The following AHI1 variants were observed in gnomAD, a reference collection of about 807,000 sequenced individuals.
AHI1 encodes the protein Abelson helper integration site 1.
A neutral mutation model predicts 149.3 loss-of-function variants in AHI1; 123 were observed. That is an observed-to-expected ratio of 0.82 (90% confidence interval 0.71 to 0.96). The LOEUF (loss-of-function observed/expected upper bound fraction) is 0.96. AHI1 is among the 40% of genes least tolerant of loss of function. The probability of loss-of-function intolerance (pLI) is 0.00; values close to 1 mark genes in which losing one functional copy is unlikely to be tolerated. For synonymous variants in AHI1, 475 were observed against 459.8 expected (o/e 1.03, Z -0.42); for missense variants, 1,439 against 1,422.7 (o/e 1.01, Z -0.18).
chr6:135,465,595 T>C (rs1229394701), intron 7 of AHI1, among the ~76,000 whole-genome samples: 6 of 152,178 alleles, frequency 3.9e-5, no homozygotes, highest in African/African-American at 1.4e-4. Flanking sequence ...ATATTACTTT[T>C]CCTTATAAGA....
chr6:135,436,335 A>C (rs1275890516), intron 15 of AHI1, among the ~76,000 whole-genome samples: 1 of 152,204 alleles, frequency 6.6e-6, no homozygotes, highest in Non-Finnish European at 1.5e-5. Flanking sequence ...AAAATATTTC[A>C]AGACTGGTCA....
chr6:135,333,724 C>T (rs1390378869), intron 24 of AHI1, among the ~76,000 whole-genome samples: 1 of 152,100 alleles, frequency 6.6e-6, no homozygotes, highest in African/African-American at 2.4e-5. Flanking sequence ...GAATACCAAA[C>T]TAGAAATCAA....
chr6:135,351,451 G>A (rs1306158397), intron 24 of AHI1, among the ~76,000 whole-genome samples: 1 of 152,132 alleles, frequency 6.6e-6, no homozygotes, highest in Non-Finnish European at 1.5e-5. Flanking sequence ...ATTTACAGAT[G>A]AGCAAACTGA....
At position 135,301,686 on chromosome 6, in the gene AHI1, G is replaced by T. The variant is rs922387055; in HGVS notation, c.3427-1128C>A. The T allele has an allele frequency of 6.0e-5, 59 of 985,448 alleles. No individual in the cohort carries two copies. The African/African-American group carries it at 9.9e-4, about 17-fold the overall frequency. 61.0% of individuals were successfully genotyped at this position (985,448 alleles called of 1,614,324 possible). A position where few individuals can be genotyped will look rare whatever the true frequency, so the allele number is the denominator to read the frequency against. On this transcript the variant is annotated intron_variant, in intron 26 of 28. Coordinates refer to ENST00000265602, the MANE Select transcript of AHI1 (RefSeq NM_001134831.2). ...TTAAAGAGCAAGGAGACTTTTTGGT[G>T]AAAGGTGAGTGTTGCAACAGGTGAC...
At chr6:135,456,544 C>CA (rs776119975) in intron 9 of AHI1, among the ~76,000 whole-genome samples, 8,670 of 84,600 alleles carry the variant, frequency 0.1, 641 homozygotes, top group African/African-American at 0.24. Context: ...GATATTGTCT[C>CA]AAAAAAAAAA....
intron 6 of AHI1, 46 bp from the exon 7 acceptor site, chr6:135,466,419 T>C (rs754590874): frequency 6.7e-7 from 1 of 1,484,358 alleles, no homozygotes; most frequent in South Asian, 1.2e-5. Flanking sequence ...ACACATAGAT[T>C]AGTTATATAA....
At chr6:135,377,729 C>T (rs570878279) in intron 23 of AHI1, among the ~76,000 whole-genome samples, 30 of 152,078 alleles carry the variant, frequency 2.0e-4, no homozygotes, top group African/African-American at 6.8e-4. Flanking sequence ...AATCTTCCTG[C>T]CCCAACCTCC....
chr6:135,362,425 A>G (rs1176019732), intron 23 of AHI1, among the ~76,000 whole-genome samples: 1 of 152,176 alleles, frequency 6.6e-6, no homozygotes, highest in Non-Finnish European at 1.5e-5. Flanking sequence ...CCAACCTAAT[A>G]GTTCTTTAAG....
intron 26 of AHI1, among the ~76,000 whole-genome samples, chr6:135,314,256 G>A (rs1183669460): frequency 6.6e-6 from 1 of 152,186 alleles, no homozygotes; most frequent in African/African-American, 2.4e-5. Flanking sequence ...TGGTATTGGT[G>A]CTTTTATAAT....
At chr6:135,395,706 T>C (rs563377156) in intron 22 of AHI1, among the ~76,000 whole-genome samples, 14 of 152,054 alleles carry the variant, frequency 9.2e-5, no homozygotes, top group Admixed American at 3.9e-4. Flanking sequence ...CATTTAATCT[T>C]TTTCATTACT....
At chr6:135,483,030 T>G (rs964242645) in intron 5 of AHI1, among the ~76,000 whole-genome samples, 1 of 151,156 alleles carries the variant, frequency 6.6e-6, no homozygotes, top group African/African-American at 2.4e-5. Flanking sequence ...TAGCTGGGAC[T>G]ACAGCTGCCT....
chr6:135,475,286 C>G (rs1338357404), intron 5 of AHI1, among the ~76,000 whole-genome samples: 1 of 152,160 alleles, frequency 6.6e-6, no homozygotes, highest in Non-Finnish European at 1.5e-5. Context: ...TTTGCGTCTT[C>G]TTTCCTTGTT....
intron 23 of AHI1, among the ~76,000 whole-genome samples, chr6:135,382,024 A>G (rs1429495776): frequency 1.3e-5 from 2 of 152,250 alleles, no homozygotes; most frequent in Non-Finnish European, 2.9e-5. Context: ...CAAAAAAAGG[A>G]TGGAAACCAG....
chr6:135,415,449 A>C (rs147992367), intron 20 of AHI1, among the ~76,000 whole-genome samples: 2,459 of 152,232 alleles, frequency 0.016, 25 homozygotes, highest in Middle Eastern at 0.044. Flanking sequence ...AAGTGTTCCT[A>C]TTTCTCCACA....
At chr6:135,286,904 C>T (rs145376236) in intron 28 of AHI1, among the ~76,000 whole-genome samples, 151 of 152,136 alleles carry the variant, frequency 9.9e-4, no homozygotes, top group Admixed American at 4.1e-3. Context: ...TCTCCCTGTA[C>T]ATATACAGAA....
intron 20 of AHI1, among the ~76,000 whole-genome samples, chr6:135,419,384 T>G (rs192179848): frequency 6.6e-6 from 1 of 152,092 alleles, no homozygotes; most frequent in African/African-American, 2.4e-5. Flanking sequence ...CTACAGAGAA[T>G]AGCTACAATT....
chr6:135,328,561 C>T (rs1226409400), intron 24 of AHI1, among the ~76,000 whole-genome samples: 1 of 152,024 alleles, frequency 6.6e-6, no homozygotes, highest in African/African-American at 2.4e-5. Flanking sequence ...CACCAACCAA[C>T]CTCCACCCTC....
intron 23 of AHI1, among the ~76,000 whole-genome samples, chr6:135,366,708 C>T (rs372373143): frequency 2.0e-5 from 3 of 152,102 alleles, no homozygotes; most frequent in African/African-American, 7.2e-5. Context: ...AATGGTCTAT[C>T]GATTTTGTTA....
chr6:135,386,531 C>T (rs1490340346), intron 23 of AHI1, among the ~76,000 whole-genome samples: 3 of 152,206 alleles, frequency 2.0e-5, no homozygotes, highest in Non-Finnish European at 4.4e-5. Context: ...AGGATGGTCT[C>T]GATCTCCTGA....
Sources: allele counts gnomAD v4.1 joint callset (sites outside exome capture counted in the v4.1 genomes callset), GRCh38; gene constraint gnomAD v4.1.1; transcripts MANE v1.5; gene names NCBI Gene and HGNC (gene_info 2026-07-23, HGNC 2026-07-21).